CNTN5: variants seen among roughly 807,000 people sequenced by gnomAD.
CNTN5 encodes contactin 5.
In CNTN5, 77 loss-of-function variants were observed where a neutral mutation model predicts 129.1. That is an observed-to-expected ratio of 0.60 (90% CI 0.50 to 0.72). The LOEUF is 0.72. Among genes scored for constraint, CNTN5 ranks in the 30% least tolerant of loss-of-function variants. CNTN5 has a pLI of 0.00. For missense variants in CNTN5, 1,478 were observed against 1,328.8 expected, an observed-to-expected ratio of 1.11 and a Z score of -1.75; for synonymous variants, 509 against 465.6, an observed-to-expected ratio of 1.09 and a Z score of -1.20.
chr11:100,105,772 G>A (rs1945408450), intron 13 of CNTN5, among the ~76,000 whole-genome samples: 1 of 151,614 alleles, frequency 6.6e-6, no homozygotes, highest in South Asian at 2.1e-4. Context: ...CCAATTCAAG[G>A]CAAAATCCTC....
chr11:100,046,916 A>G (rs1942712168), intron 9 of CNTN5, among the ~76,000 whole-genome samples: 1 of 151,240 alleles, frequency 6.6e-6, no homozygotes, highest in African/African-American at 2.4e-5. Context: ...ATTTTTTTTT[A>G]TCAGAAACTG....
At chr11:99,789,194 T>C (rs1945648182) in intron 3 of CNTN5, among the ~76,000 whole-genome samples, 1 of 151,842 alleles carries the variant, frequency 6.6e-6, no homozygotes, top group South Asian at 2.1e-4. Context: ...CAATACAAAT[T>C]ATGATTATGA....
chr11:99,689,671 T>C (rs1345476093), intron 3 of CNTN5, among the ~76,000 whole-genome samples: 1 of 152,068 alleles, frequency 6.6e-6, no homozygotes, highest in African/African-American at 2.4e-5. Context: ...TGCATTTCTG[T>C]AATTATCAGT....
intron 8 of CNTN5, among the ~76,000 whole-genome samples, chr11:99,968,973 A>T (rs1046150917): frequency 1.3e-5 from 2 of 151,956 alleles, no homozygotes; most frequent in African/African-American, 4.8e-5. Flanking sequence ...TATAATCTTG[A>T]TATAAAAATT....
At chr11:100,255,995 A>C (rs1442433141) in intron 17 of CNTN5, 77 bp downstream of exon 17, 4 of 1,296,808 alleles carry the variant, frequency 3.1e-6, no homozygotes, top group African/African-American at 3.0e-5. Context: ...CTAAGGTCTT[A>C]CTATGATTTT....
At chr11:99,440,969 T>C (rs1943805132) in intron 2 of CNTN5, among the ~76,000 whole-genome samples, 1 of 152,124 alleles carries the variant, frequency 6.6e-6, no homozygotes, top group Admixed American at 6.5e-5. Context: ...GACAATACTT[T>C]GGTTTTTAAA....
At chr11:99,366,882 G>A (rs1026222662) in intron 2 of CNTN5, among the ~76,000 whole-genome samples, 1 of 152,164 alleles carries the variant, frequency 6.6e-6, no homozygotes, top group Non-Finnish European at 1.5e-5. Flanking sequence ...GTTTCTGAAT[G>A]TTGCTTAGTG....
intron 1 of CNTN5, among the ~76,000 whole-genome samples, chr11:99,318,074 A>C (rs1865420375): frequency 6.6e-6 from 1 of 152,214 alleles, no homozygotes; most frequent in Non-Finnish European, 1.5e-5. Context: ...TCATATACAC[A>C]ATGAAAAGAT....
At chr11:99,903,289 T>C (rs1416929478) in intron 6 of CNTN5, among the ~76,000 whole-genome samples, 1 of 151,826 alleles carries the variant, frequency 6.6e-6, no homozygotes, top group Non-Finnish European at 1.5e-5. Flanking sequence ...ATTTTTACTT[T>C]GGTTATGGTA....
At chr11:99,841,812 G>GTA (rs1565592990) in intron 4 of CNTN5, among the ~76,000 whole-genome samples, 21 of 134,608 alleles carry the variant, frequency 1.6e-4, no homozygotes, top group African/African-American at 3.7e-4. Flanking sequence ...TGGTGTGTGT[G>GTA]TATATATGTG....
intron 6 of CNTN5, among the ~76,000 whole-genome samples, chr11:99,874,599 TTTTA>T (rs1287117643): frequency 6.6e-6 from 1 of 152,200 alleles, no homozygotes; most frequent in Admixed American, 6.5e-5. Context: ...TCATTTATCT[TTTTA>T]TTTGTTAGTT....
chr11:99,078,731 T>TA (rs1162177283), intron 1 of CNTN5, among the ~76,000 whole-genome samples: 1 of 152,004 alleles, frequency 6.6e-6, no homozygotes, highest in Non-Finnish European at 1.5e-5. Flanking sequence ...TTGTGGGAGC[T>TA]AAAAATTAAA....
intron 1 of CNTN5, among the ~76,000 whole-genome samples, chr11:99,251,930 A>T (rs1393048984): frequency 6.6e-6 from 1 of 152,026 alleles, no homozygotes; most frequent in African/African-American, 2.4e-5. Flanking sequence ...TAGAAAAGCA[A>T]ATCATAACTT....
chr11:99,394,786 CAT>C (rs1373947211), intron 2 of CNTN5, among the ~76,000 whole-genome samples: 1 of 151,732 alleles, frequency 6.6e-6, no homozygotes, highest in Non-Finnish European at 1.5e-5. Flanking sequence ...TAAGTGATAA[CAT>C]GTGGTATTCG....
chr11:100,032,321 T>G (rs1248802362), intron 9 of CNTN5, among the ~76,000 whole-genome samples: 2 of 152,118 alleles, frequency 1.3e-5, no homozygotes. Context: ...CATTAAAGAA[T>G]TATAGTTTAT....
chr11:99,906,975 C>T (rs962876748), intron 6 of CNTN5, among the ~76,000 whole-genome samples: 1 of 152,060 alleles, frequency 6.6e-6, no homozygotes, highest in Non-Finnish European at 1.5e-5. Flanking sequence ...GTGATATCCA[C>T]TTTGCCATTT....
chr11:99,784,810 T>C (rs1945455722), intron 3 of CNTN5, among the ~76,000 whole-genome samples: 1 of 148,416 alleles, frequency 6.7e-6, no homozygotes, highest in African/African-American at 2.5e-5. Flanking sequence ...TTTTTTTTTT[T>C]TTTTTTTGAG....
At chr11:100,130,057 T>G (rs1946325542) in intron 13 of CNTN5, among the ~76,000 whole-genome samples, 1 of 152,112 alleles carries the variant, frequency 6.6e-6, no homozygotes. Context: ...GCTTCATAAG[T>G]GAAATAAGCA....
intron 3 of CNTN5, among the ~76,000 whole-genome samples, chr11:99,746,998 A>G (rs182542058): frequency 6.6e-6 from 1 of 152,330 alleles, no homozygotes; most frequent in African/African-American, 2.4e-5. Flanking sequence ...TTGAATCTGT[A>G]GATAGTTTTG....
Sources: allele counts gnomAD v4.1 joint callset (sites outside exome capture counted in the v4.1 genomes callset), GRCh38; gene constraint gnomAD v4.1.1; transcripts MANE v1.5; gene names NCBI Gene and HGNC (gene_info 2026-07-23, HGNC 2026-07-21).